Variants in TRIOBP observed in about 807,000 individuals in gnomAD.
The protein encoded by TRIOBP is TRIO and F-actin-binding protein.
In TRIOBP, 169 loss-of-function variants were observed where a neutral mutation model predicts 238.8. That is an observed-to-expected ratio of 0.71 (90% CI 0.62 to 0.80). The LOEUF is 0.80. Among genes scored for constraint, TRIOBP ranks in the 30% least tolerant of loss-of-function variants. The pLI, the probability that TRIOBP is intolerant of heterozygous loss-of-function variation, is 0.00. For missense variants in TRIOBP, 2,838 were observed against 3,122.6 expected, an observed-to-expected ratio of 0.91 and a Z score of 2.17; for synonymous variants, 1,150 against 1,274.4, an observed-to-expected ratio of 0.90 and a Z score of 2.08.
intron 7 of TRIOBP, among the ~76,000 whole-genome samples, chr22:37,726,826 G>C (rs554542861): frequency 6.6e-6 from 1 of 152,150 alleles, no homozygotes; most frequent in East Asian, 1.9e-4. Context: ...ACCTACCTGA[G>C]CCTCAGTTTC....
intron 11 of TRIOBP, 72 bp downstream of exon 11, chr22:37,741,104 G>A: frequency 6.5e-7 from 1 of 1,529,398 alleles, no homozygotes; most frequent in Non-Finnish European, 8.8e-7. Flanking sequence ...GGAGGGGGCT[G>A]TTAAGCAAAG....
In TRIOBP at chr22:37,770,387, G is replaced by T. The variant is rs1388250760; in HGVS notation, c.6849+1012G>T. ...ATGGCATGAACCTGGGAGGCGGAGC[G>T]TGCAGTGAGCCGAGATCGTGCCACT... On this transcript the variant is annotated intron_variant, in intron 21 of 23. Transcript: ENST00000644935. Among the ~76,000 whole-genome samples, 4 of 145,692 alleles carry T rather than the reference G, an allele frequency of 2.7e-5. No homozygotes were observed. In the East Asian group the frequency reaches 6.7e-4, roughly 24 times the overall value.
chr22:37,713,543 A>T (rs1923366036), intron 5 of TRIOBP, 132 bp downstream of exon 5: 2 of 1,195,408 alleles, frequency 1.7e-6, no homozygotes, highest in Admixed American at 1.9e-5. Context: ...CTGGACCATT[A>T]GCTGGCAGCT....
chr22:37,752,085 C>T (rs1008865172), intron 12 of TRIOBP, among the ~76,000 whole-genome samples: 10 of 152,144 alleles, frequency 6.6e-5, no homozygotes, highest in Non-Finnish European at 1.3e-4. Context: ...TTGGCCCTGC[C>T]ACCTCAGTAG....
At chr22:37,770,314 G>A (rs1227700893) in intron 21 of TRIOBP, among the ~76,000 whole-genome samples, 4 of 150,880 alleles carry the variant, frequency 2.7e-5, no homozygotes, top group African/African-American at 7.3e-5. Flanking sequence ...GGCGGGCGCG[G>A]TGGCGGGTGC....
chr22:37,742,839 C>T (rs1569049877), intron 11 of TRIOBP, among the ~76,000 whole-genome samples: 3 of 152,218 alleles, frequency 2.0e-5, no homozygotes, highest in East Asian at 3.9e-4. Flanking sequence ...CACTGCATGG[C>T]GCCACCTAAT....
intron 12 of TRIOBP, among the ~76,000 whole-genome samples, chr22:37,754,453 T>C (rs1925802218): frequency 6.7e-6 from 1 of 148,980 alleles, no homozygotes; most frequent in South Asian, 2.1e-4. Flanking sequence ...AGATTGTGGC[T>C]GGCACTCACT....
chr22:37,746,807 G>A (rs372480120), intron 11 of TRIOBP, among the ~76,000 whole-genome samples: 4 of 152,372 alleles, frequency 2.6e-5, no homozygotes, highest in South Asian at 2.1e-4. Flanking sequence ...CCAGGGAGGA[G>A]CGGAGGTGGG....
chr22:37,768,688 C>G (rs1926617527), intron 19 of TRIOBP, among the ~76,000 whole-genome samples: 1 of 152,068 alleles, frequency 6.6e-6, no homozygotes, highest in Non-Finnish European at 1.5e-5. Context: ...GCAATTCTAG[C>G]TACTTGGGAG....
Position 37,734,967 on chromosome 22 carries a change from C to T in TRIOBP, c.4631C>T (p.Ala1544Val), listed in dbSNP as rs921774525. The T allele has an allele frequency of 6.8e-6, 11 of 1,613,368 alleles. No homozygotes were observed. Among genetic ancestry groups the T allele is most frequent in the South Asian group, 2.2e-5 (2 of 91,092 alleles). ...GCTGTGGGCTGGGGGGCAGAGGGAG[C>T]GTGTCCATACCCGCGTGGCTCTGAG... is the stretch of plus-strand genomic sequence containing the variant. ...PTAVGWGAEG[A>V]CPYPRGSERR... Residue 1544 changes from alanine (A) to valine (V), a missense_variant, in exon 9 of 24, where the codon GCG becomes GTG. Ala to Val is a moderately conservative substitution (Grantham distance 64). Transcript: ENST00000644935.
Position 37,702,452 on chromosome 22 carries a change from C to T in TRIOBP, c.114+973C>T, listed in dbSNP as rs532722655. On this transcript the variant is annotated intron_variant, in intron 3 of 23. Coordinates refer to ENST00000644935, the MANE Select transcript of TRIOBP (RefSeq NM_001039141.3). Reference sequence around the variant, plus strand: ...CTCCTGACCTCAGGTGATCCACCCGCCTCAGCCTCCCAAAGTGTTGGGATT... The same window carrying T: ...CTCCTGACCTCAGGTGATCCACCCGTCTCAGCCTCCCAAAGTGTTGGGATT... Among the ~76,000 whole-genome samples, 5 of 152,208 alleles carry T rather than the reference C, an allele frequency of 3.3e-5. No individual in the cohort carries two copies. The East Asian group carries it at 9.7e-4, about 30-fold the overall frequency.
At chr22:37,771,551 C>A in intron 21 of TRIOBP, 99 bp from the exon 22 acceptor site, 2 of 1,070,394 alleles carry the variant, frequency 1.9e-6, no homozygotes, top group Non-Finnish European at 1.4e-6. Context: ...GGGCTGCATT[C>A]TAGGGGCCTG....
intron 7 of TRIOBP, among the ~76,000 whole-genome samples, chr22:37,730,209 G>T (rs187149637): frequency 6.6e-6 from 1 of 152,248 alleles, no homozygotes; most frequent in Non-Finnish European, 1.5e-5. Flanking sequence ...AGCTTCCGAA[G>T]GAAACGTTTC....
chr22:37,698,125 G>A (rs1056584044), intron 2 of TRIOBP, among the ~76,000 whole-genome samples: 23 of 149,750 alleles, frequency 1.5e-4, no homozygotes, highest in Non-Finnish European at 2.8e-4. Context: ...GCTTGAATCC[G>A]GGAGGCAGAG....
At chr22:37,715,483 C>T (rs1569036412) in intron 5 of TRIOBP, among the ~76,000 whole-genome samples, 1 of 152,090 alleles carries the variant, frequency 6.6e-6, no homozygotes, top group Non-Finnish European at 1.5e-5. Flanking sequence ...GCTGGGACTA[C>T]AGGTGCCCGC....
rs150778928 is a variant in TRIOBP at position 37,738,815 on chromosome 22, C to T, written c.5184+96C>T. ...TTCCTCAGAAGAGCCCTAGAATCAA[C>T]CAGACCAAAGTTGGCATTGCCATGG... On this transcript the variant is annotated intron_variant, in intron 10 of 23. Coordinates refer to ENST00000644935, the MANE Select transcript of TRIOBP (RefSeq NM_001039141.3). 73 of 1,352,798 alleles carry T rather than the reference C, an allele frequency of 5.4e-5. No homozygotes were observed. The African/African-American group carries it at 9.1e-4, about 17-fold the overall frequency. 83.8% of individuals were successfully genotyped at this position (1,352,798 alleles called of 1,614,324 possible).
chr22:37,770,399 G>A (rs1403357665), intron 21 of TRIOBP, among the ~76,000 whole-genome samples: 4 of 136,994 alleles, frequency 2.9e-5, no homozygotes, highest in African/African-American at 5.4e-5. Flanking sequence ...GCAGTGAGCC[G>A]AGATCGTGCC....
chr22:37,735,583 C>G (rs1337505254), intron 9 of TRIOBP, 141 bp downstream of exon 9: 8 of 984,848 alleles, frequency 8.1e-6, no homozygotes, highest in African/African-American at 1.6e-5. Flanking sequence ...CTGCTGACCA[C>G]AACCCATCCC....
chr22:37,733,947 G>C (rs1205409171), intron 8 of TRIOBP, among the ~76,000 whole-genome samples: 1 of 152,210 alleles, frequency 6.6e-6, no homozygotes, highest in African/African-American at 2.4e-5. Context: ...GATTACAGGC[G>C]TGAACCACGG....
Sources: gnomAD v4.1 joint callset for allele counts (sites outside exome capture counted in the v4.1 genomes callset) on GRCh38, gnomAD v4.1.1 for gene constraint, MANE v1.5 for transcripts, NCBI Gene and HGNC (gene_info 2026-07-23, HGNC 2026-07-21) for gene names.